The following ADGRB3 variants were observed in gnomAD, a reference collection of about 807,000 sequenced individuals.
ADGRB3 encodes adhesion G protein-coupled receptor B3, also known as brain-specific angiogenesis inhibitor 3.
ADGRB3 carries 37 observed loss-of-function variants against 193.4 expected under a neutral mutation model. The observed-to-expected ratio is 0.19, with a 90% CI of 0.15 to 0.25. The LOEUF (loss-of-function observed/expected upper bound fraction) is 0.25, where lower values mean the gene tolerates loss of function less well. ADGRB3 is among the 10% of genes least tolerant of loss of function. The probability of loss-of-function intolerance (pLI) is 1.00; values close to 1 mark genes in which losing one functional copy is unlikely to be tolerated. For synonymous variants in ADGRB3, 690 were observed against 644.2 expected (o/e 1.07, Z -1.08); for missense variants, 1,637 against 1,852.9 (o/e 0.88, Z 2.14).
At chr6:68,946,764 A>T (rs1309571785) in intron 6 of ADGRB3, among the ~76,000 whole-genome samples, 1 of 152,062 alleles carries the variant, frequency 6.6e-6, no homozygotes, top group Non-Finnish European at 1.5e-5. Flanking sequence ...TTTGTGTGGG[A>T]TAATGTTAAA....
intron 17 of ADGRB3, among the ~76,000 whole-genome samples, chr6:69,217,357 G>A (rs1046221997): frequency 6.6e-6 from 1 of 152,082 alleles, no homozygotes; most frequent in Non-Finnish European, 1.5e-5. Flanking sequence ...AGATAAATCT[G>A]TATAATGATT....
chr6:68,903,157 G>A (rs1766444945), intron 3 of ADGRB3, among the ~76,000 whole-genome samples: 1 of 152,142 alleles, frequency 6.6e-6, no homozygotes, highest in African/African-American at 2.4e-5. Context: ...AATCTTTTGT[G>A]AAAAGAAGGT....
chr6:69,031,039 CTCTTCTCTTCTCTTCTCTT>C (rs1282330379), intron 13 of ADGRB3, among the ~76,000 whole-genome samples: 1 of 21,494 alleles, frequency 4.7e-5, no homozygotes, highest in Non-Finnish European at 8.5e-5. Context: ...CTTCTCTTCT[CTCTTCTCTTCTCTTCTCTT>C]CTCTTCTCTT....
intron 3 of ADGRB3, among the ~76,000 whole-genome samples, chr6:68,906,736 T>G (rs1766559333): frequency 6.6e-6 from 1 of 152,042 alleles, no homozygotes; most frequent in African/African-American, 2.4e-5. Context: ...TGAGCATGTT[T>G]ATTAGTTATT....
chr6:68,935,866 A>C (rs1358527303), intron 4 of ADGRB3, among the ~76,000 whole-genome samples: 1 of 152,154 alleles, frequency 6.6e-6, no homozygotes, highest in Non-Finnish European at 1.5e-5. Flanking sequence ...ATTATCAAGA[A>C]ATTTTTCTTT....
intron 6 of ADGRB3, among the ~76,000 whole-genome samples, chr6:68,948,630 C>T (rs185160918): frequency 6.6e-6 from 1 of 152,102 alleles, no homozygotes; most frequent in East Asian, 1.9e-4. Context: ...ATATTTTCCC[C>T]TAGTCAGTAG....
chr6:68,770,433 TG>T (rs1260523146), intron 3 of ADGRB3, among the ~76,000 whole-genome samples: 5 of 152,046 alleles, frequency 3.3e-5, no homozygotes, highest in African/African-American at 1.2e-4. Context: ...ATAGAACAAT[TG>T]GGAGACATGT....
chr6:68,671,963 G>A (rs752889750), intron 3 of ADGRB3, among the ~76,000 whole-genome samples: 4 of 151,864 alleles, frequency 2.6e-5, no homozygotes, highest in Non-Finnish European at 5.9e-5. Context: ...GTCTGTTCAG[G>A]TATTGGATTT....
At chr6:69,011,681 G>T (rs1035133132) in intron 11 of ADGRB3, among the ~76,000 whole-genome samples, 4 of 152,038 alleles carry the variant, frequency 2.6e-5, no homozygotes, top group Admixed American at 2.0e-4. Flanking sequence ...GAGATATACT[G>T]ACTTTGCAAC....
At chr6:69,384,964 T>TCTTTTC (rs200033089) in intron 31 of ADGRB3, among the ~76,000 whole-genome samples, 2 of 150,626 alleles carry the variant, frequency 1.3e-5, no homozygotes, top group African/African-American at 4.9e-5. Flanking sequence ...TCTTTTCTTT[T>TCTTTTC]TTTTTTTTTC....
At chr6:68,931,283 A>C (rs960799550) in intron 4 of ADGRB3, among the ~76,000 whole-genome samples, 4 of 152,010 alleles carry the variant, frequency 2.6e-5, no homozygotes, top group African/African-American at 9.6e-5. Flanking sequence ...TTCTAAATTA[A>C]TTAGATTACT....
At chr6:69,235,308 A>G (rs1766236120) in intron 19 of ADGRB3, among the ~76,000 whole-genome samples, 173 bp downstream of exon 19, 1 of 152,070 alleles carries the variant, frequency 6.6e-6, no homozygotes, top group South Asian at 2.1e-4. Context: ...ATGTTTACCT[A>G]ATTTTCCTGT....
chr6:69,362,464 A>G (rs547125994), intron 29 of ADGRB3, among the ~76,000 whole-genome samples: 1 of 151,990 alleles, frequency 6.6e-6, no homozygotes, highest in Admixed American at 6.6e-5. Context: ...CTTCTCCCCA[A>G]AGCCATTCCT....
chr6:69,288,363 C>A (rs981307822), intron 20 of ADGRB3, among the ~76,000 whole-genome samples: 52 of 152,138 alleles, frequency 3.4e-4, no homozygotes, highest in Admixed American at 2.6e-4. Flanking sequence ...CATGTCCCTG[C>A]AAAGGACATG....
chr6:69,079,877 C>T (rs1402721414), intron 17 of ADGRB3, among the ~76,000 whole-genome samples: 2 of 151,942 alleles, frequency 1.3e-5, no homozygotes, highest in Admixed American at 6.6e-5. Context: ...TTCGTTAATC[C>T]ATTTGTAATT....
chr6:69,063,561 C>A (rs1771812585), intron 16 of ADGRB3, among the ~76,000 whole-genome samples: 2 of 151,932 alleles, frequency 1.3e-5, no homozygotes, highest in Non-Finnish European at 2.9e-5. Flanking sequence ...AAGTTATAAA[C>A]AGTGCAGAGG....
chr6:68,800,841 CA>C (rs1241097511), intron 3 of ADGRB3, among the ~76,000 whole-genome samples: 4 of 152,040 alleles, frequency 2.6e-5, no homozygotes, highest in African/African-American at 7.2e-5. Context: ...CAGGTACAAA[CA>C]GCTGCTGTGG....
At chr6:69,172,972 C>A (rs1331472029) in intron 17 of ADGRB3, among the ~76,000 whole-genome samples, 2 of 152,204 alleles carry the variant, frequency 1.3e-5, no homozygotes, top group Non-Finnish European at 2.9e-5. Context: ...ATAGGCAGGG[C>A]CTGGATCAGT....
At chr6:68,810,438 G>T (rs1767488885) in intron 3 of ADGRB3, among the ~76,000 whole-genome samples, 1 of 152,134 alleles carries the variant, frequency 6.6e-6, no homozygotes. Context: ...TTCAAAATAT[G>T]GTTCAGTCGT....
Sources: gnomAD v4.1 joint callset for allele counts (sites outside exome capture counted in the v4.1 genomes callset) on GRCh38, gnomAD v4.1.1 for gene constraint, MANE v1.5 for transcripts, NCBI Gene and HGNC (gene_info 2026-07-23, HGNC 2026-07-21) for gene names.